SLC44A5: variants seen among roughly 807,000 people sequenced by gnomAD.
SLC44A5 encodes the protein choline transporter-like protein 5.
A neutral mutation model predicts 101.8 loss-of-function variants in SLC44A5; 57 were observed. That is an observed-to-expected ratio of 0.56 (90% CI 0.45 to 0.70). The LOEUF (loss-of-function observed/expected upper bound fraction) is 0.70, where lower values mean the gene tolerates loss of function less well. Ranked by LOEUF, SLC44A5 falls within the 30% of genes least tolerant of loss-of-function variation. The pLI is 0.00. For synonymous variants in SLC44A5, 281 were observed against 290.9 expected (o/e 0.97, Z 0.35); for missense variants, 737 against 853.1 (o/e 0.86, Z 1.70).
At chr1:75,646,357 A>C in the SLC44A5 span, among the ~76,000 whole-genome samples, 1 of 151,820 alleles carries the variant, frequency 6.6e-6, no homozygotes. Flanking sequence ...CATCCTTTGT[A>C]AGTTGTATTC....
intron 4 of SLC44A5, among the ~76,000 whole-genome samples, chr1:75,313,239 C>T (rs1042439328): frequency 6.6e-6 from 1 of 152,078 alleles, no homozygotes; most frequent in Non-Finnish European, 1.5e-5. Flanking sequence ...CAAAAAGATG[C>T]CTCATGGGTT....
intron 4 of SLC44A5, among the ~76,000 whole-genome samples, chr1:75,301,770 G>A (rs1006340244): frequency 1.1e-4 from 17 of 152,304 alleles, no homozygotes; most frequent in Non-Finnish European, 1.9e-4. Context: ...AGTAAAGTGA[G>A]TTCGCTTACT....
the SLC44A5 span, among the ~76,000 whole-genome samples, chr1:75,669,632 G>T: frequency 6.6e-6 from 1 of 152,020 alleles, no homozygotes; most frequent in African/African-American, 2.4e-5. Context: ...AACTCTTGTT[G>T]TCAGAATTCT....
At chr1:75,412,255 C>T (rs1663327678) in intron 2 of SLC44A5, among the ~76,000 whole-genome samples, 1 of 151,994 alleles carries the variant, frequency 6.6e-6, no homozygotes, top group African/African-American at 2.4e-5. Flanking sequence ...TCTAAGTATT[C>T]AAAAATTTTG....
chr1:75,521,033 CACTT>C (rs975676284), intron 2 of SLC44A5, among the ~76,000 whole-genome samples: 1 of 152,110 alleles, frequency 6.6e-6, no homozygotes, highest in Admixed American at 6.5e-5. Flanking sequence ...AACACAGTAA[CACTT>C]AACTCGTTAA....
chr1:75,703,049 TAC>T, the SLC44A5 span, among the ~76,000 whole-genome samples: 1 of 150,878 alleles, frequency 6.6e-6, no homozygotes, highest in African/African-American at 2.4e-5. Flanking sequence ...GGAACACTTT[TAC>T]ACTGTTGGTG....
the SLC44A5 span, among the ~76,000 whole-genome samples, chr1:75,679,636 T>C: frequency 2.6e-5 from 4 of 151,926 alleles, no homozygotes; most frequent in East Asian, 7.7e-4. Flanking sequence ...AAGGAACAAC[T>C]GGTACCAGCC....
At chr1:75,684,737 C>T in the SLC44A5 span, among the ~76,000 whole-genome samples, 1 of 152,186 alleles carries the variant, frequency 6.6e-6, no homozygotes, top group Non-Finnish European at 1.5e-5. Context: ...ACAGACACTC[C>T]TGGCTTCTTT....
chr1:75,673,449 T>C, the SLC44A5 span, among the ~76,000 whole-genome samples: 2 of 150,846 alleles, frequency 1.3e-5, no homozygotes, highest in Non-Finnish European at 1.5e-5. Context: ...AGACCCTAGC[T>C]CCCAGACAGC....
At chr1:75,576,499 T>A (rs912675485) in intron 1 of SLC44A5, among the ~76,000 whole-genome samples, 5 of 148,494 alleles carry the variant, frequency 3.4e-5, no homozygotes, top group African/African-American at 4.9e-5. Flanking sequence ...TATTTTTTTT[T>A]AGTAGAGACG....
the SLC44A5 span, among the ~76,000 whole-genome samples, chr1:75,698,307 A>C: frequency 6.6e-6 from 1 of 152,168 alleles, no homozygotes; most frequent in Non-Finnish European, 1.5e-5. Flanking sequence ...TGGAGATCTG[A>C]GAATGGACAG....
the SLC44A5 span, among the ~76,000 whole-genome samples, chr1:75,689,254 T>A: frequency 2.0e-5 from 3 of 152,104 alleles, no homozygotes; most frequent in African/African-American, 7.2e-5. Context: ...TAAAGAGGAC[T>A]CAGATAAGAA....
intron 2 of SLC44A5, among the ~76,000 whole-genome samples, chr1:75,451,871 C>T (rs1665928340): frequency 6.6e-6 from 1 of 151,994 alleles, no homozygotes; most frequent in Non-Finnish European, 1.5e-5. Flanking sequence ...GCAACCAAAC[C>T]TATGAATTAT....
intron 2 of SLC44A5, among the ~76,000 whole-genome samples, chr1:75,435,174 C>T (rs1218859491): frequency 1.3e-5 from 2 of 152,122 alleles, no homozygotes; most frequent in Admixed American, 1.3e-4. Flanking sequence ...GTCCAAAATA[C>T]TTAGATGTAT....
chr1:75,369,563 T>C (rs1020426636), intron 3 of SLC44A5, among the ~76,000 whole-genome samples: 4 of 152,204 alleles, frequency 2.6e-5, no homozygotes, highest in Non-Finnish European at 5.9e-5. Context: ...AGAAATTTCA[T>C]TTTGATAGAG....
intron 2 of SLC44A5, among the ~76,000 whole-genome samples, chr1:75,440,751 C>G (rs1446185033): frequency 6.6e-6 from 1 of 152,008 alleles, no homozygotes; most frequent in East Asian, 1.9e-4. Context: ...TTAAGGAAAA[C>G]TCTTTCAAGA....
In SLC44A5 at chr1:75,582,123, C is replaced by T. The variant is rs1439638436; in HGVS notation, c.-70+28917G>A. 3 of 739,668 alleles carry T rather than the reference C, an allele frequency of 4.1e-6. No homozygotes were observed. The East Asian group carries it at 7.6e-5, about 19-fold the overall frequency. 45.8% of individuals were successfully genotyped at this position (739,668 alleles called of 1,614,324 possible). A position where few individuals can be genotyped will look rare whatever the true frequency, so the allele number is the denominator to read the frequency against. ...GGCCAAGTCCAAGAACCACACCACA[C>T]ACAACTGGTCCCGAATATGGCACAG... On this transcript the variant is annotated intron_variant, in intron 1 of 23. Transcript: ENST00000370859.
the SLC44A5 span, among the ~76,000 whole-genome samples, chr1:75,622,660 T>C: frequency 6.6e-6 from 1 of 152,072 alleles, no homozygotes; most frequent in African/African-American, 2.4e-5. Context: ...AGACATTACA[T>C]AGAGATAGTT....
chr1:75,433,381 C>G (rs1557778840), intron 2 of SLC44A5, among the ~76,000 whole-genome samples: 1 of 151,874 alleles, frequency 6.6e-6, no homozygotes. Flanking sequence ...TCTAGCTGAC[C>G]TCTACACAGC....
Sources: gnomAD v4.1 joint callset for allele counts (sites outside exome capture counted in the v4.1 genomes callset) on GRCh38, gnomAD v4.1.1 for gene constraint, MANE v1.5 for transcripts, NCBI Gene and HGNC (gene_info 2026-07-23, HGNC 2026-07-21) for gene names.